The following AGGF1 variants were observed in gnomAD, a reference collection of about 807,000 sequenced individuals.
AGGF1 encodes angiogenic factor with G patch and FHA domains 1.
A neutral mutation model predicts 86.5 loss-of-function variants in AGGF1; 56 were observed. That is an observed-to-expected ratio of 0.65 (90% confidence interval 0.52 to 0.81). The LOEUF (loss-of-function observed/expected upper bound fraction) is 0.81, where lower values mean the gene tolerates loss of function less well. Ranked by LOEUF, AGGF1 falls within the 30% of genes least tolerant of loss-of-function variation. The pLI is 0.00. For synonymous variants in AGGF1, 313 were observed against 297.1 expected (o/e 1.05, Z -0.55); for missense variants, 816 against 850.9 (o/e 0.96, Z 0.51).
In AGGF1 at chr5:77,063,160, G is replaced by A. The variant is rs566580141; in HGVS notation, c.2053G>A (p.Ala685Thr). 6 of 1,614,022 alleles carry A rather than the reference G, an allele frequency of 3.7e-6. No individual in the cohort carries two copies. In the Admixed American group the frequency reaches 5.0e-5, roughly 13 times the overall value. The change falls in exon 14 of 14, where the codon GCA becomes ACA. Residue 685 changes from alanine to threonine, a missense_variant. Physicochemically the swap from Ala to Thr is moderately conservative, Grantham distance 58 (BLOSUM62 0). This residue lies in a region of AGGF1 where 565 missense variants were observed against 585.8 expected (regional missense o/e 0.96). Transcript: ENST00000312916. ...CAAGAACAAAAAAAACTGGGACAAA[G>A]CACGAGAGCGGTTTACTGAAAACTT... is the stretch of plus-strand genomic sequence containing the variant. The part of the protein sequence containing the change: ...QNKNKKNWDK[A>T]RERFTENFPE...
chr5:77,043,679 G>T (rs1301156716), intron 5 of AGGF1, among the ~76,000 whole-genome samples: 9 of 133,712 alleles, frequency 6.7e-5, no homozygotes, highest in African/African-American at 2.5e-4. Flanking sequence ...GCGGGGGGCT[G>T]ATCCCCCCCA....
intron 6 of AGGF1, 31 bp downstream of exon 6, chr5:77,046,708 G>A: frequency 6.3e-7 from 1 of 1,590,516 alleles, no homozygotes; most frequent in Non-Finnish European, 8.6e-7. Context: ...TAAGTAAATA[G>A]CCCAGTCTGG....
At chr5:77,033,010 G>T (rs114654538) in intron 1 of AGGF1, among the ~76,000 whole-genome samples, 6 of 152,136 alleles carry the variant, frequency 3.9e-5, no homozygotes, top group African/African-American at 7.2e-5. Flanking sequence ...CAGCAGAAGC[G>T]AACAGAAGGT....
At chr5:77,038,997 G>C (rs1747015485) in intron 4 of AGGF1, among the ~76,000 whole-genome samples, 1 of 152,082 alleles carries the variant, frequency 6.6e-6, no homozygotes, top group Non-Finnish European at 1.5e-5. Context: ...TGGTATGCAT[G>C]AACTTTATTT....
chr5:77,054,842 G>A (rs895557285), intron 10 of AGGF1, among the ~76,000 whole-genome samples: 5 of 152,080 alleles, frequency 3.3e-5, no homozygotes, highest in Non-Finnish European at 5.9e-5. Context: ...ATTAACGTAG[G>A]AAATAATAAG....
intron 12 of AGGF1, among the ~76,000 whole-genome samples, chr5:77,060,651 A>G (rs1485372956): frequency 1.3e-5 from 2 of 152,154 alleles, no homozygotes; most frequent in Non-Finnish European, 2.9e-5. Flanking sequence ...TAAAGTTTTG[A>G]TTCAATATCA....
chr5:77,042,530 C>A lies in AGGF1; in HGVS notation c.870+2811C>A, dbSNP rs753253383. ...CTCCCTCCCGGACGGGGCGGCTGGC[C>A]GGGCAGAGGCGCCCCTCACCTCCCG... is the stretch of plus-strand genomic sequence containing the variant. On this transcript the variant is annotated intron_variant, in intron 5 of 13. Coordinates refer to ENST00000312916, the MANE Select transcript of AGGF1 (RefSeq NM_018046.5). 9.1e-5 allele frequency among the ~76,000 whole-genome samples: 7 copies of A among 77,006 alleles called. 1 individual carries two copies. The highest frequency in any genetic ancestry group is 2.2e-4 in the Non-Finnish European group (7 of 32,134). 50.5% of individuals were successfully genotyped at this position (77,006 alleles called of 152,430 possible).
At position 77,046,803 on chromosome 5, in the gene AGGF1, T is replaced by C. The variant is rs1747263878; in HGVS notation, c.1201+126T>C. 3.1e-6 allele frequency: 3 copies of C among 969,682 alleles called. No individual in the cohort carries two copies. The South Asian group carries it at 4.3e-5, about 14-fold the overall frequency. The allele number at this position is 969,682 out of a possible 1,614,324, so 60.1% of individuals were successfully genotyped here. A position where few individuals can be genotyped will look rare whatever the true frequency, so the allele number is the denominator to read the frequency against. On this transcript the variant is annotated intron_variant, in intron 6 of 13. Coordinates refer to ENST00000312916, the MANE Select transcript of AGGF1 (RefSeq NM_018046.5). ...AGTAAACATTATTTTAATGATGTTA[T>C]TGAAAATGTTGTGGGTTGCCACTTG...
Position 77,053,980 on chromosome 5 carries a change from G to A in AGGF1, c.1483G>A (p.Asp495Asn). 6.2e-7 allele frequency: 1 copy of A among 1,614,114 alleles called. No individual in the cohort carries two copies. The change falls in exon 10 of 14, where the codon GAC becomes AAC. Residue 495 changes from aspartate to asparagine, a missense_variant. This residue lies in a region of AGGF1 where 565 missense variants were observed against 585.8 expected (regional missense o/e 0.96). Coordinates refer to ENST00000312916, the MANE Select transcript of AGGF1 (RefSeq NM_018046.5). ...KQILQPKTKC[D>N]PYVLEHGDEV... Reference sequence around the variant, plus strand: ...TCCCCTCTAGCCGAAAACTAAATGTGACCCTTACGTACTTGAGCATGGAGA... The same window carrying A: ...TCCCCTCTAGCCGAAAACTAAATGTAACCCTTACGTACTTGAGCATGGAGA...
intron 5 of AGGF1, 56 bp downstream of exon 5, chr5:77,039,775 A>G (rs892806304): frequency 1.3e-6 from 2 of 1,489,932 alleles, no homozygotes; most frequent in African/African-American, 1.4e-5. Context: ...GATAATTAAG[A>G]CAAAATTTTT....
At chr5:77,031,088 TTAAAG>T (rs1476348508) in intron 1 of AGGF1, 112 bp downstream of exon 1, 38 of 1,138,198 alleles carry the variant, frequency 3.3e-5, no homozygotes, top group Non-Finnish European at 4.8e-5. Flanking sequence ...TGTAGAGTAC[TTAAAG>T]TAAATAAGTA....
chr5:77,030,707 C>T lies in AGGF1; in HGVS notation c.-60C>T. ...CTCCAGTGGTCTCTGGGTCCGCCGGCGTCCGTTTCGGCCTGAACGCAGCCC... is the reference window on the plus strand; with the variant it reads ...CTCCAGTGGTCTCTGGGTCCGCCGGTGTCCGTTTCGGCCTGAACGCAGCCC... On this transcript the variant is annotated 5_prime_UTR_variant, in exon 1 of 14. Transcript: ENST00000312916. The T allele has an allele frequency of 6.6e-7, 1 of 1,521,104 alleles. No individual in the cohort carries two copies. The highest frequency in any genetic ancestry group is 1.9e-5 in the Admixed American group (1 of 51,774). The allele number at this position is 1,521,104 out of a possible 1,614,324, so 94.2% of individuals were successfully genotyped here.
At chr5:77,059,244 A>G (rs1476648514) in intron 11 of AGGF1, among the ~76,000 whole-genome samples, 3 of 152,216 alleles carry the variant, frequency 2.0e-5, no homozygotes, top group African/African-American at 7.2e-5. Context: ...CTTCTTATGT[A>G]TATGTATGTT....
At chr5:77,059,240 A>G (rs1166656504) in intron 11 of AGGF1, among the ~76,000 whole-genome samples, 1 of 152,208 alleles carries the variant, frequency 6.6e-6, no homozygotes, top group Non-Finnish European at 1.5e-5. Context: ...TCATCTTCTT[A>G]TGTATATGTA....
intron 11 of AGGF1, among the ~76,000 whole-genome samples, chr5:77,056,566 G>T (rs1747465529): frequency 6.6e-6 from 1 of 150,910 alleles, no homozygotes; most frequent in Admixed American, 6.6e-5. Flanking sequence ...TAGAATAATT[G>T]GATGGCCTTA....
At chr5:77,039,801 C>G in intron 5 of AGGF1, 82 bp downstream of exon 5, 1 of 1,178,074 alleles carries the variant, frequency 8.5e-7, no homozygotes, top group Admixed American at 2.1e-5. Context: ...AACTGACAAT[C>G]ATTCAATAAC....
chr5:77,063,293 T>A lies in AGGF1; in HGVS notation c.*41T>A, dbSNP rs776959483. ...AAAAAACCTCTAGTTTTTTTAAAAA[T>A]AGAATTTGGAAACTTATTTTTTCTC... On this transcript the variant is annotated 3_prime_UTR_variant, in exon 14 of 14. Coordinates refer to ENST00000312916, the MANE Select transcript of AGGF1 (RefSeq NM_018046.5). 6.3e-7 allele frequency: 1 copy of A among 1,581,418 alleles called. No homozygotes were observed. The highest frequency in any genetic ancestry group is 8.6e-7 in the Non-Finnish European group (1 of 1,156,734).
chr5:77,048,586 G>T (rs1296653276), intron 7 of AGGF1, among the ~76,000 whole-genome samples: 1 of 152,154 alleles, frequency 6.6e-6, no homozygotes, highest in Non-Finnish European at 1.5e-5. Flanking sequence ...CTCCTCAAGT[G>T]ATCCACCCAC....
At chr5:77,053,331 C>T (rs1484869462) in intron 9 of AGGF1, among the ~76,000 whole-genome samples, 1 of 152,146 alleles carries the variant, frequency 6.6e-6, no homozygotes, top group African/African-American at 2.4e-5. Flanking sequence ...CCAGCCTGGC[C>T]ACCATGGTGA....
Sources: allele counts gnomAD v4.1 joint callset (sites outside exome capture counted in the v4.1 genomes callset), GRCh38; gene constraint gnomAD v4.1.1; regional missense constraint gnomAD v4.1.1; transcripts MANE v1.5; gene names NCBI Gene and HGNC (gene_info 2026-07-23, HGNC 2026-07-21).